The following ADGRL3 variants were observed in gnomAD, a reference collection of about 807,000 sequenced individuals.
ADGRL3 encodes adhesion G protein-coupled receptor L3, also known as calcium-independent alpha-latrotoxin receptor 3.
In ADGRL3, 62 loss-of-function variants were observed where a neutral mutation model predicts 153.5. The observed-to-expected ratio is 0.40, with a 90% CI of 0.33 to 0.50. ADGRL3 has a LOEUF of 0.50. Among genes scored for constraint, ADGRL3 ranks in the 20% least tolerant of loss-of-function variants. The pLI is 0.47. For synonymous variants in ADGRL3, 710 were observed against 672.5 expected (o/e 1.06, Z -0.86); for missense variants, 1,641 against 1,859.4 (o/e 0.88, Z 2.16).
chr4:61,781,695 G>A (rs932499849), intron 8 of ADGRL3, among the ~76,000 whole-genome samples: 1 of 152,018 alleles, frequency 6.6e-6, no homozygotes, highest in Non-Finnish European at 1.5e-5. Context: ...TATTATTCCT[G>A]TTTAAAATAA....
chr4:61,887,884 A>G (rs1242402377), intron 9 of ADGRL3, among the ~76,000 whole-genome samples: 1 of 152,166 alleles, frequency 6.6e-6, no homozygotes. Flanking sequence ...TAATTGCAAA[A>G]TGTAAAGAAC....
chr4:61,714,361 TAC>T (rs554875994), intron 6 of ADGRL3, among the ~76,000 whole-genome samples: 17 of 149,934 alleles, frequency 1.1e-4, no homozygotes, highest in African/African-American at 3.9e-4. Flanking sequence ...TATACTTGAG[TAC>T]ACACACACAC....
At chr4:61,798,999 GTATATATATATA>G (rs34782885) in intron 8 of ADGRL3, among the ~76,000 whole-genome samples, 1,187 of 80,746 alleles carry the variant, frequency 0.015, 36 homozygotes, top group African/African-American at 0.031. Context: ...TATATAAACA[GTATATATATATA>G]TATATATATA....
At chr4:61,354,678 G>T (rs2096127137) in intron 1 of ADGRL3, among the ~76,000 whole-genome samples, 1 of 151,710 alleles carries the variant, frequency 6.6e-6, no homozygotes, top group South Asian at 2.1e-4. Flanking sequence ...TATTAATCAG[G>T]AATGTGAATA....
chr4:61,358,762 T>C (rs1296492960), intron 1 of ADGRL3, among the ~76,000 whole-genome samples: 1 of 152,230 alleles, frequency 6.6e-6, no homozygotes, highest in South Asian at 2.1e-4. Context: ...TTTTGGAGAT[T>C]CCCAAATCTC....
chr4:61,560,879 T>A (rs947113373), intron 4 of ADGRL3, among the ~76,000 whole-genome samples: 1 of 152,156 alleles, frequency 6.6e-6, no homozygotes, highest in Non-Finnish European at 1.5e-5. Flanking sequence ...AAATATAGAT[T>A]CTCTGATTTG....
intron 1 of ADGRL3, among the ~76,000 whole-genome samples, chr4:61,333,472 C>A (rs185043126): frequency 6.6e-6 from 1 of 152,254 alleles, no homozygotes; most frequent in East Asian, 1.9e-4. Context: ...ATCACTTATA[C>A]GGTGTTGTAT....
intron 13 of ADGRL3, among the ~76,000 whole-genome samples, chr4:61,930,725 A>G (rs1192243348): frequency 1.3e-5 from 2 of 152,112 alleles, no homozygotes; most frequent in East Asian, 3.9e-4. Context: ...GGTGTGAATC[A>G]AAATGACTTT....
chr4:61,517,273 AGGTGAGCAG>A (rs1204478977), intron 3 of ADGRL3, 33 bp from the exon 4 acceptor site: 1 of 698,472 alleles, frequency 1.4e-6, no homozygotes, highest in Non-Finnish European at 2.6e-6. Flanking sequence ...GGCGGGACTG[AGGTGAGCAG>A]GGGTCTGATG....
intron 9 of ADGRL3, among the ~76,000 whole-genome samples, chr4:61,850,632 T>C (rs1165131457): frequency 6.6e-6 from 1 of 152,156 alleles, no homozygotes; most frequent in Non-Finnish European, 1.5e-5. Context: ...CATTATTCTC[T>C]GGGATCTTTT....
chr4:61,887,419 T>G (rs561519042), intron 9 of ADGRL3, among the ~76,000 whole-genome samples: 1 of 152,326 alleles, frequency 6.6e-6, no homozygotes, highest in East Asian at 1.9e-4. Flanking sequence ...CCTGTTTAGT[T>G]ACTACTTGTA....
At chr4:61,301,601 C>T in intron 1 of ADGRL3, among the ~76,000 whole-genome samples, 1 of 152,176 alleles carries the variant, frequency 6.6e-6, no homozygotes, top group East Asian at 1.9e-4. Context: ...TTTAAACACA[C>T]TTAGAACCAT....
intron 17 of ADGRL3, among the ~76,000 whole-genome samples, chr4:61,963,344 G>A (rs2098995143): frequency 6.6e-6 from 1 of 151,724 alleles, no homozygotes; most frequent in Non-Finnish European, 1.5e-5. Flanking sequence ...GTCTTAGTGG[G>A]CAGATAATTT....
chr4:61,291,986 A>T (rs896974593), intron 1 of ADGRL3, among the ~76,000 whole-genome samples: 3 of 150,618 alleles, frequency 2.0e-5, no homozygotes, highest in Non-Finnish European at 4.4e-5. Flanking sequence ...ATGATTTTTT[A>T]AAAAGTCATG....
intron 1 of ADGRL3, among the ~76,000 whole-genome samples, chr4:61,269,672 T>C (rs962354850): frequency 6.6e-6 from 1 of 151,762 alleles, no homozygotes; most frequent in Non-Finnish European, 1.5e-5. Flanking sequence ...CAGAATAAGC[T>C]GTCACATTCA....
At chr4:61,298,194 T>C (rs917964995) in intron 1 of ADGRL3, among the ~76,000 whole-genome samples, 4 of 152,296 alleles carry the variant, frequency 2.6e-5, no homozygotes, top group Admixed American at 2.0e-4. Flanking sequence ...AACCTCTCTG[T>C]GTAAAAGTTA....
chr4:61,621,888 C>G (rs1191095916), intron 5 of ADGRL3, among the ~76,000 whole-genome samples: 1 of 152,124 alleles, frequency 6.6e-6, no homozygotes, highest in Non-Finnish European at 1.5e-5. Context: ...ATCCCCACCT[C>G]CAGAATTAAT....
chr4:62,030,990 A>T (rs777657566), intron 22 of ADGRL3, among the ~76,000 whole-genome samples: 1 of 151,586 alleles, frequency 6.6e-6, no homozygotes, highest in Non-Finnish European at 1.5e-5. Flanking sequence ...AAACAATAAA[A>T]TTTTTGTGGA....
intron 5 of ADGRL3, among the ~76,000 whole-genome samples, chr4:61,594,147 C>A (rs1010415208): frequency 6.6e-6 from 1 of 152,128 alleles, no homozygotes; most frequent in Admixed American, 6.6e-5. Flanking sequence ...CTGCTTGATT[C>A]CTTTTAAGTA....
Sources: allele counts gnomAD v4.1 joint callset (sites outside exome capture counted in the v4.1 genomes callset), GRCh38; gene constraint gnomAD v4.1.1; transcripts MANE v1.5; gene names NCBI Gene and HGNC (gene_info 2026-07-23, HGNC 2026-07-21).